DPH6: variants seen among roughly 807,000 people sequenced by gnomAD.
DPH6 encodes the protein diphthine--ammonia ligase.
DPH6 carries 33 observed loss-of-function variants against 38.2 expected under a neutral mutation model. The observed-to-expected ratio is 0.86, with a 90% CI of 0.65 to 1.15. The LOEUF (loss-of-function observed/expected upper bound fraction) is 1.15, where lower values mean the gene tolerates loss of function less well. DPH6 is among the 50% of genes most tolerant of loss of function. DPH6 has a pLI of 0.00. For synonymous variants in DPH6, 108 were observed against 103.0 expected (o/e 1.05, Z -0.30); for missense variants, 325 against 320.0 (o/e 1.02, Z -0.12).
chr15:35,322,127 T>C (rs1879792072), intron 3 of DPH6, among the ~76,000 whole-genome samples: 2 of 152,228 alleles, frequency 1.3e-5, no homozygotes, highest in Non-Finnish European at 2.9e-5. Flanking sequence ...CTGAAAAATA[T>C]CTTAAAAACC....
downstream of DPH6, among the ~76,000 whole-genome samples, chr15:35,369,492 CTA>C (rs2052690956): frequency 6.6e-6 from 1 of 151,650 alleles, no homozygotes; most frequent in South Asian, 2.1e-4. Flanking sequence ...AATTCCTTCT[CTA>C]CCATGTGGGT....
intron 7 of DPH6, among the ~76,000 whole-genome samples, chr15:35,378,068 A>C (rs1351491882): frequency 6.6e-6 from 1 of 152,104 alleles, no homozygotes; most frequent in Non-Finnish European, 1.5e-5. Context: ...GATCTCTCTA[A>C]ATTACTTCAT....
At chr15:35,165,762 C>G in the DPH6 span, among the ~76,000 whole-genome samples, 1 of 152,048 alleles carries the variant, frequency 6.6e-6, no homozygotes, top group South Asian at 2.1e-4. Context: ...AGACCGAAGT[C>G]TACTTCGCCA....
In DPH6 at chr15:35,350,322, G is replaced by GTTT. The variant is rs60012895; in HGVS notation, n.208-19248_208-19246dup. On this transcript the variant is annotated intron_variant and non_coding_transcript_variant, in intron 3 of 3. Coordinates refer to the DPH6 transcript ENST00000558973. Reference sequence around the variant, plus strand: ...TTTCTGATTTTTATTACTGGAGTCTGTTTTTTTTTTTTTCTTAGTCTAGCT... The same window carrying GTTT: ...TTTCTGATTTTTATTACTGGAGTCTGTTTTTTTTTTTTTTTTCTTAGTCTAGCT... 1.2e-4 allele frequency among the ~76,000 whole-genome samples: 17 copies of GTTT among 139,912 alleles called. No individual in the cohort carries two copies. In the South Asian group the frequency reaches 1.6e-3, roughly 13 times the overall value. The allele number at this position is 139,912 out of a possible 152,430, so 91.8% of individuals were successfully genotyped here.
At chr15:35,237,427 C>CG in intron 3 of DPH6, 1 of 1,605,624 alleles carries the variant, frequency 6.2e-7, no homozygotes, top group East Asian at 2.2e-5. Flanking sequence ...AAGGCAAACT[C>CG]GAAGGCCTCA....
intron 3 of DPH6, chr15:35,520,560 C>T: frequency 1.0e-6 from 1 of 984,670 alleles, no homozygotes; most frequent in Non-Finnish European, 1.2e-6. Context: ...TACAATAAGA[C>T]TAGCATACAC....
intron 3 of DPH6, chr15:35,299,459 C>T (rs2052039146): frequency 3.1e-5 from 24 of 770,258 alleles, no homozygotes; most frequent in South Asian, 3.1e-4. Context: ...CGGTTTAATG[C>T]CGGCCCGCCC....
At chr15:35,532,097 C>T (rs767060736) in intron 3 of DPH6, among the ~76,000 whole-genome samples, 2 of 152,044 alleles carry the variant, frequency 1.3e-5, no homozygotes, top group Admixed American at 6.6e-5. Context: ...AAAGCACAGC[C>T]GAAGACTCAG....
intron 3 of DPH6, among the ~76,000 whole-genome samples, chr15:35,515,196 T>C (rs141190757): frequency 2.3e-3 from 346 of 152,066 alleles, no homozygotes; most frequent in African/African-American, 7.9e-3. Context: ...GTAAACATTA[T>C]AAATAATAGT....
chr15:35,357,323 A>G (rs2052570845), intron 3 of DPH6, among the ~76,000 whole-genome samples: 1 of 152,170 alleles, frequency 6.6e-6, no homozygotes, highest in South Asian at 2.1e-4. Flanking sequence ...CAGTGAGATG[A>G]ACCCGGTATC....
intron 3 of DPH6, among the ~76,000 whole-genome samples, chr15:35,482,440 A>C (rs1373324774): frequency 6.6e-6 from 1 of 152,226 alleles, no homozygotes; most frequent in Admixed American, 6.5e-5. Flanking sequence ...TACTTGATTA[A>C]TAAACATTAT....
chr15:35,454,784 T>C lies in DPH6; in HGVS notation c.349A>G (p.Ile117Val), dbSNP rs1380917286. Reference protein sequence around the residue: ...EEVEGISVGAILSDYQRIRVE... With the variant: ...EEVEGISVGAVLSDYQRIRVE... The stretch of plus-strand genomic sequence containing the variant: ...CGAATACGCTGATAGTCAGAAAGTA[T>C]AGCACCTACTGATATCCCCTCTACT... The change falls in exon 4 of 9, where the codon ATA (isoleucine) becomes GTA (valine). Residue 117 changes from isoleucine (I) to valine (V), a missense_variant. Ile to Val is a conservative substitution (Grantham distance 29, BLOSUM62 3). Coordinates refer to ENST00000256538, the MANE Select transcript of DPH6 (RefSeq NM_080650.4). The C allele has an allele frequency of 1.2e-6, 2 of 1,609,374 alleles. No individual in the cohort carries two copies. The highest frequency in any genetic ancestry group is 1.7e-5 in the Admixed American group (1 of 59,326).
intron 3 of DPH6, chr15:35,521,847 A>G: frequency 1.5e-6 from 2 of 1,322,912 alleles, no homozygotes; most frequent in Non-Finnish European, 1.9e-6. Context: ...TATAAAAAGC[A>G]AAGTGATTAG....
intron 3 of DPH6, among the ~76,000 whole-genome samples, chr15:35,318,056 A>G (rs1407915122): frequency 1.3e-5 from 2 of 152,100 alleles, no homozygotes; most frequent in Non-Finnish European, 2.9e-5. Flanking sequence ...AAACACAAAT[A>G]TATCAGTAAG....
chr15:35,442,788 C>T (rs1329231864), intron 5 of DPH6, among the ~76,000 whole-genome samples: 1 of 152,020 alleles, frequency 6.6e-6, no homozygotes, highest in Non-Finnish European at 1.5e-5. Flanking sequence ...TTGTAGGATT[C>T]CAATTATATG....
At chr15:35,299,322 G>A in intron 3 of DPH6, 2 of 1,033,150 alleles carry the variant, frequency 1.9e-6, no homozygotes, top group Non-Finnish European at 3.1e-6. Flanking sequence ...TCGTCCTTTG[G>A]CTCTTTGCCT....
In DPH6 at chr15:35,365,754, G is replaced by A. The variant is rs141889998; in HGVS notation, n.207+7767C>T. On this transcript the variant is annotated intron_variant and non_coding_transcript_variant, in intron 3 of 3. Transcript: ENST00000558973. ...TGCTACTACCAAAGTCCATTTACTC[G>A]AGACAGAAATGAGTCAAGTAGTCCT... 240 of 983,004 alleles carry A rather than the reference G, an allele frequency of 2.4e-4. 1 individual carries two copies. The South Asian group carries it at 3.4e-3, about 14-fold the overall frequency. 60.9% of individuals were successfully genotyped at this position (983,004 alleles called of 1,614,324 possible). A position where few individuals can be genotyped will look rare whatever the true frequency, so the allele number is the denominator to read the frequency against.
chr15:35,208,168 T>C, the DPH6 span, among the ~76,000 whole-genome samples: 5 of 152,242 alleles, frequency 3.3e-5, no homozygotes, highest in African/African-American at 1.2e-4. Context: ...TATCATTTTA[T>C]TTTTAGCTTA....
chr15:35,280,709 T>C (rs1303891540), intron 3 of DPH6, among the ~76,000 whole-genome samples: 1 of 152,188 alleles, frequency 6.6e-6, no homozygotes, highest in Non-Finnish European at 1.5e-5. Context: ...ACCTAATGCA[T>C]TATTAAGTAG....
Sources: allele counts gnomAD v4.1 joint callset (sites outside exome capture counted in the v4.1 genomes callset), GRCh38; gene constraint gnomAD v4.1.1; transcripts MANE v1.5; gene names NCBI Gene and HGNC (gene_info 2026-07-23, HGNC 2026-07-21).